RSPO2: variants seen among roughly 807,000 people sequenced by gnomAD.
RSPO2 encodes the protein R-spondin 2, also known as R-spondin-2.
A neutral mutation model predicts 30.9 loss-of-function variants in RSPO2; 14 were observed. The observed-to-expected ratio is 0.45, with a 90% CI of 0.30 to 0.71. RSPO2 has a LOEUF of 0.71. Among genes scored for constraint, RSPO2 ranks in the 30% least tolerant of loss-of-function variants. RSPO2 has a pLI of 0.08. For missense variants in RSPO2, 264 were observed against 301.9 expected, an observed-to-expected ratio of 0.87 and a Z score of 0.93; for synonymous variants, 107 against 96.4, an observed-to-expected ratio of 1.11 and a Z score of -0.64.
At chr8:107,992,322 C>T (rs536145525) in intron 2 of RSPO2, among the ~76,000 whole-genome samples, 18 of 152,010 alleles carry the variant, frequency 1.2e-4, no homozygotes, top group Non-Finnish European at 2.2e-4. Flanking sequence ...CAAAATACCC[C>T]GTGTTTTCAC....
intron 5 of RSPO2, among the ~76,000 whole-genome samples, chr8:107,901,962 A>T (rs1811486779): frequency 1.3e-5 from 2 of 152,166 alleles, no homozygotes; most frequent in Non-Finnish European, 2.9e-5. Flanking sequence ...AATTTTTTAA[A>T]TGCTGTTTTT....
intron 4 of RSPO2, among the ~76,000 whole-genome samples, chr8:107,959,827 T>C (rs629702): frequency 0.54 from 82,596 of 152,106 alleles, 24,301 homozygotes; most frequent in East Asian, 0.7. Flanking sequence ...ATGTCTTCTT[T>C]GCAAGCTCTC....
At chr8:107,952,879 T>C (rs1203133847) in intron 5 of RSPO2, among the ~76,000 whole-genome samples, 1 of 151,712 alleles carries the variant, frequency 6.6e-6, no homozygotes, top group Non-Finnish European at 1.5e-5. Context: ...GCTAATACTT[T>C]CTTTTGTTTC....
chr8:108,069,299 C>T (rs1387517234), intron 2 of RSPO2, among the ~76,000 whole-genome samples: 7 of 152,068 alleles, frequency 4.6e-5, no homozygotes, highest in East Asian at 1.9e-4. Flanking sequence ...CTTCATCCTC[C>T]GCCTCCCGGG....
At chr8:108,071,698 A>G (rs1474708496) in intron 2 of RSPO2, among the ~76,000 whole-genome samples, 1 of 152,222 alleles carries the variant, frequency 6.6e-6, no homozygotes, top group Non-Finnish European at 1.5e-5. Flanking sequence ...AAGAGCCCAG[A>G]ACTAACAAGC....
Position 107,964,346 on chromosome 8 carries a change from G to T in RSPO2, c.284-3529C>A, listed in dbSNP as rs557766789. Among the ~76,000 whole-genome samples the T allele has an allele frequency of 1.2e-4, 18 of 152,350 alleles. No individual in the cohort carries two copies. The South Asian group carries it at 3.5e-3, about 30-fold the overall frequency. The stretch of plus-strand genomic sequence containing the variant: ...CGACCTCTGCCTCCCGGGTTCAAGT[G>T]ATTCTCCTGCCTCAGCGTCCCAGTA... On this transcript the variant is annotated intron_variant, in intron 3 of 5. Transcript: ENST00000276659.
chr8:108,007,090 CCCCAAAAATATTGCTTTTTT>C (rs1478688468), intron 2 of RSPO2, among the ~76,000 whole-genome samples: 1 of 152,098 alleles, frequency 6.6e-6, no homozygotes, highest in African/African-American at 2.4e-5. Flanking sequence ...CTTCATTTCT[CCCCAAAAATATTGCTTTTTT>C]CCCACCTATC....
chr8:108,007,060 T>A (rs1046499931), intron 2 of RSPO2, among the ~76,000 whole-genome samples: 1 of 152,162 alleles, frequency 6.6e-6, no homozygotes, highest in Non-Finnish European at 1.5e-5. Flanking sequence ...ATTACAAATA[T>A]GTTGTCTATA....
At chr8:108,028,981 C>T (rs1355747821) in intron 2 of RSPO2, among the ~76,000 whole-genome samples, 6 of 139,456 alleles carry the variant, frequency 4.3e-5, no homozygotes, top group Admixed American at 3.8e-4. Flanking sequence ...TGAATCATGA[C>T]GTGAAGTCAG....
chr8:107,961,426 T>C (rs889663268), intron 3 of RSPO2, among the ~76,000 whole-genome samples: 1 of 152,150 alleles, frequency 6.6e-6, no homozygotes, highest in African/African-American at 2.4e-5. Flanking sequence ...ATCCTACAGC[T>C]GGGCAGTAGA....
At chr8:107,931,345 G>A (rs1812548196) in intron 5 of RSPO2, among the ~76,000 whole-genome samples, 1 of 152,092 alleles carries the variant, frequency 6.6e-6, no homozygotes, top group African/African-American at 2.4e-5. Context: ...GATAGCCAAA[G>A]TCCAGTAAAG....
intron 2 of RSPO2, among the ~76,000 whole-genome samples, chr8:108,046,882 A>AC (rs1811922128): frequency 6.6e-6 from 1 of 152,224 alleles, no homozygotes; most frequent in Non-Finnish European, 1.5e-5. Context: ...AACACCTTTT[A>AC]CCCAGTCAGA....
intron 2 of RSPO2, among the ~76,000 whole-genome samples, chr8:108,001,291 A>C (rs1379023661): frequency 6.6e-6 from 1 of 152,236 alleles, no homozygotes; most frequent in Non-Finnish European, 1.5e-5. Context: ...GTAGTTATCT[A>C]TAGGCCCCAA....
chr8:107,899,699 TG>T lies in RSPO2; in HGVS notation c.*1375del, dbSNP rs1446035334. 1 of 152,482 alleles carries T rather than the reference TG, an allele frequency of 6.6e-6. No homozygotes were observed. Among genetic ancestry groups the T allele is most frequent in the Admixed American group, 6.5e-5 (1 of 15,288 alleles). 9.4% of individuals were successfully genotyped at this position (152,482 alleles called of 1,614,324 possible). On this transcript the variant is annotated 3_prime_UTR_variant, in exon 6 of 6. Transcript: ENST00000276659. ...TTATTTTTCTGTTCTAATTTTCTCC[TG>T]GATCAGCCAGGAAGATAATCATGCT...
At chr8:107,983,908 A>C (rs1204531206) in intron 3 of RSPO2, 3 of 1,317,788 alleles carry the variant, frequency 2.3e-6, no homozygotes, top group Non-Finnish European at 3.3e-6. Flanking sequence ...TGGATTTTCC[A>C]TCTACAGAAC....
chr8:107,993,123 G>T (rs148320100), intron 2 of RSPO2, among the ~76,000 whole-genome samples: 2 of 152,170 alleles, frequency 1.3e-5, no homozygotes, highest in African/African-American at 4.8e-5. Context: ...AAATAACACA[G>T]AAGACTTGAG....
intron 2 of RSPO2, among the ~76,000 whole-genome samples, chr8:108,037,720 A>C (rs888766859): frequency 6.6e-6 from 1 of 152,214 alleles, no homozygotes; most frequent in Non-Finnish European, 1.5e-5. Context: ...GTGGAGGCCA[A>C]TGCTCATTTA....
intron 3 of RSPO2, among the ~76,000 whole-genome samples, chr8:107,972,213 T>C (rs1814024730): frequency 6.6e-6 from 1 of 151,878 alleles, no homozygotes; most frequent in African/African-American, 2.4e-5. Flanking sequence ...TAGTGCAATC[T>C]CAGCTCACTG....
intron 5 of RSPO2, among the ~76,000 whole-genome samples, chr8:107,920,628 T>C (rs1460682944): frequency 1.3e-5 from 2 of 152,148 alleles, no homozygotes; most frequent in Non-Finnish European, 1.5e-5. Flanking sequence ...CATTGATTGA[T>C]TGAAATACTG....
Sources: allele counts gnomAD v4.1 joint callset (sites outside exome capture counted in the v4.1 genomes callset), GRCh38; gene constraint gnomAD v4.1.1; transcripts MANE v1.5; gene names NCBI Gene and HGNC (gene_info 2026-07-23, HGNC 2026-07-21).